Variants in WDFY3 observed in about 807,000 individuals in gnomAD.
WDFY3 encodes WD repeat and FYVE domain-containing protein 3.
A neutral mutation model predicts 409.6 loss-of-function variants in WDFY3; 66 were observed. The ratio of observed to expected loss-of-function variants is 0.16; its 90% CI spans 0.13 to 0.20. The LOEUF is 0.20. Among genes scored for constraint, WDFY3 ranks in the 10% least tolerant of loss-of-function variants. The pLI, the probability that WDFY3 is intolerant of heterozygous loss-of-function variation, is 1.00. For missense variants in WDFY3, 3,031 were observed against 4,298.1 expected, an observed-to-expected ratio of 0.71 and a Z score of 8.24; for synonymous variants, 1,521 against 1,537.1, an observed-to-expected ratio of 0.99 and a Z score of 0.25.
intron 24 of WDFY3, among the ~76,000 whole-genome samples, chr4:84,784,913 CACACACAT>C (rs1333319734): frequency 7.5e-5 from 11 of 146,022 alleles, no homozygotes; most frequent in African/African-American, 2.0e-4. Flanking sequence ...CACACACACA[CACACACAT>C]ACACACCTTG....
At chr4:84,693,895 CAAA>C (rs35165784) in intron 58 of WDFY3, among the ~76,000 whole-genome samples, 3 of 80,012 alleles carry the variant, frequency 3.7e-5, no homozygotes, top group African/African-American at 3.6e-5. Flanking sequence ...GACTCCGTCT[CAAA>C]AAAAAAAAAA....
At chr4:84,714,127 AT>A (rs1414421312) in intron 50 of WDFY3, among the ~76,000 whole-genome samples, 21 of 150,792 alleles carry the variant, frequency 1.4e-4, no homozygotes, top group African/African-American at 4.7e-4. Context: ...AAAAAAAAAA[AT>A]CATTATTATT....
intron 40 of WDFY3, among the ~76,000 whole-genome samples, chr4:84,738,539 T>C (rs1347101321): frequency 6.6e-6 from 1 of 151,350 alleles, no homozygotes; most frequent in Non-Finnish European, 1.5e-5. Flanking sequence ...AAGGTAAAGG[T>C]TGTAGTGAGC....
chr4:84,891,901 A>C (rs1579010996), intron 3 of WDFY3, among the ~76,000 whole-genome samples: 1 of 152,162 alleles, frequency 6.6e-6, no homozygotes, highest in Non-Finnish European at 1.5e-5. Flanking sequence ...TTGAAAAGTC[A>C]AATTGGGACA....
At chr4:84,754,338 A>G (rs954096977) in intron 34 of WDFY3, among the ~76,000 whole-genome samples, 1 of 152,198 alleles carries the variant, frequency 6.6e-6, no homozygotes, top group Non-Finnish European at 1.5e-5. Flanking sequence ...TGAATACTGT[A>G]TATTTGAACA....
rs764976163 is a variant in WDFY3, at chr4:84,794,715, G to A, written c.3291C>T (p.Pro1097=). The change falls in exon 21 of 68, where the codon CCC becomes CCT. Residue 1097 remains proline (P), a synonymous_variant. Coordinates refer to ENST00000295888, the MANE Select transcript of WDFY3 (RefSeq NM_014991.6). ...ACCAGCTAGAGTAACTTAAGCCGGAGGGAGGAGGGAAGAATCTTTCACCTA... is the reference window on the plus strand; with the variant it reads ...ACCAGCTAGAGTAACTTAAGCCGGAAGGAGGAGGGAAGAATCTTTCACCTA... The part of the protein sequence containing the change: ...IGSGERFFPP[P]SGLSYSSWFC... 5.0e-6 allele frequency: 8 copies of A among 1,613,012 alleles called. No homozygotes were observed. The highest frequency in any genetic ancestry group is 1.7e-5 in the Admixed American group (1 of 59,960).
intron 58 of WDFY3, among the ~76,000 whole-genome samples, chr4:84,695,499 CAGAGAGAG>C (rs1217791319): frequency 2.7e-5 from 2 of 73,072 alleles, no homozygotes; most frequent in Non-Finnish European, 6.3e-5. Flanking sequence ...CACACAGAGA[CAGAGAGAG>C]ATAGAGAGAG....
At chr4:84,835,697 C>T (rs1756470210) in intron 7 of WDFY3, among the ~76,000 whole-genome samples, 1 of 152,170 alleles carries the variant, frequency 6.6e-6, no homozygotes, top group Non-Finnish European at 1.5e-5. Context: ...GTCATCCTTA[C>T]AGTAAAGAGC....
At chr4:84,736,409 A>T in intron 41 of WDFY3, 82 bp from the exon 42 acceptor site, 1 of 1,335,582 alleles carries the variant, frequency 7.5e-7, no homozygotes, top group Non-Finnish European at 9.9e-7. Context: ...CTGGTTATAA[A>T]CTACAACCCT....
intron 43 of WDFY3, 50 bp from the exon 44 acceptor site, chr4:84,733,659 G>C: frequency 6.6e-7 from 1 of 1,520,598 alleles, no homozygotes; most frequent in South Asian, 1.2e-5. Context: ...AGGAGTAACA[G>C]TAACAAGTCT....
intron 1 of WDFY3, among the ~76,000 whole-genome samples, chr4:84,958,785 C>T (rs535099104): frequency 1.3e-5 from 2 of 152,318 alleles, no homozygotes; most frequent in Admixed American, 6.5e-5. Flanking sequence ...CCTTACTGTT[C>T]TGTGAATGTG....
intron 46 of WDFY3, among the ~76,000 whole-genome samples, chr4:84,723,225 T>G (rs1735113049): frequency 6.6e-6 from 1 of 152,222 alleles, no homozygotes; most frequent in African/African-American, 2.4e-5. Context: ...TTTCAGTGAT[T>G]TCATGAAAAT....
chr4:84,838,436 C>T (rs1756887571), intron 6 of WDFY3, among the ~76,000 whole-genome samples: 1 of 152,074 alleles, frequency 6.6e-6, no homozygotes, highest in African/African-American at 2.4e-5. Context: ...GCAGTGATGA[C>T]CCAGTGAAGT....
intron 36 of WDFY3, among the ~76,000 whole-genome samples, chr4:84,748,879 T>G (rs1739979042): frequency 6.6e-6 from 1 of 151,546 alleles, no homozygotes; most frequent in Admixed American, 6.6e-5. Context: ...AAGATAATTC[T>G]CTCTCTCTTT....
chr4:84,701,534 G>GA (rs796141173), intron 56 of WDFY3, among the ~76,000 whole-genome samples: 1 of 152,066 alleles, frequency 6.6e-6, no homozygotes, highest in Non-Finnish European at 1.5e-5. Flanking sequence ...TACAAGGAAT[G>GA]AAAAAAATAT....
intron 6 of WDFY3, among the ~76,000 whole-genome samples, chr4:84,840,423 G>A (rs1033415655): frequency 6.6e-6 from 1 of 152,056 alleles, no homozygotes; most frequent in African/African-American, 2.4e-5. Flanking sequence ...AGTAACCTTA[G>A]ATAAAGAGTG....
chr4:84,801,503 A>AT (rs1750557017), intron 17 of WDFY3, 147 bp downstream of exon 17: 1 of 699,546 alleles, frequency 1.4e-6, no homozygotes. Flanking sequence ...TCTAAGTGCC[A>AT]TATTTTGAGT....
At chr4:84,676,705 T>C (rs779888340) in intron 67 of WDFY3, among the ~76,000 whole-genome samples, 5 of 152,084 alleles carry the variant, frequency 3.3e-5, no homozygotes, top group Non-Finnish European at 5.9e-5. Context: ...AAGATATCTA[T>C]ATAAATGGAT....
chr4:84,858,101 A>G (rs1760024652), intron 4 of WDFY3, among the ~76,000 whole-genome samples: 1 of 152,216 alleles, frequency 6.6e-6, no homozygotes, highest in Non-Finnish European at 1.5e-5. Flanking sequence ...AACAACAAAA[A>G]TAATAAATTC....
Sources: allele counts gnomAD v4.1 joint callset (sites outside exome capture counted in the v4.1 genomes callset), GRCh38; gene constraint gnomAD v4.1.1; transcripts MANE v1.5; gene names NCBI Gene and HGNC (gene_info 2026-07-23, HGNC 2026-07-21).